SPEF2: variants seen among roughly 807,000 people sequenced by gnomAD.
SPEF2 encodes the protein sperm flagellar and cilia associated 2, also known as sperm flagella and cilia-associated protein 2.
SPEF2 carries 187 observed loss-of-function variants against 224.6 expected under a neutral mutation model. That is an observed-to-expected ratio of 0.83 (90% CI 0.74 to 0.94). The LOEUF is 0.94. Among genes scored for constraint, SPEF2 ranks in the 40% least tolerant of loss-of-function variants. SPEF2 has a pLI of 0.00. For missense variants in SPEF2, 2,170 were observed against 2,135.6 expected, an observed-to-expected ratio of 1.02 and a Z score of -0.32; for synonymous variants, 715 against 707.3, an observed-to-expected ratio of 1.01 and a Z score of -0.17.
At chr5:35,664,831 G>A (rs1010859372) in intron 8 of SPEF2, among the ~76,000 whole-genome samples, 7 of 10,068 alleles carry the variant, frequency 7.0e-4, no homozygotes, top group African/African-American at 2.8e-3. Context: ...AGAGAGGAAG[G>A]AAGGAGGAGA....
In SPEF2 at chr5:35,704,563, T is replaced by G. The variant is rs760298552; in HGVS notation, c.2408T>G (p.Leu803Trp). The stretch of plus-strand genomic sequence containing the variant: ...AAATTTTATACCATAGCTGAAGAAT[T>G]GTCCTATAAAACTGCTCACGAAGAT... Reference protein sequence around the residue: ...SRMNDIIAEELSYKTAHEDIS... With the variant: ...SRMNDIIAEEWSYKTAHEDIS... The change falls in exon 17 of 37, where the codon TTG (leucine) becomes TGG (tryptophan). Residue 803 changes from leucine (L) to tryptophan (W), a missense_variant. Transcript: ENST00000356031. 2 of 1,605,736 alleles carry G rather than the reference T, an allele frequency of 1.2e-6. No individual in the cohort carries two copies. The highest frequency in any genetic ancestry group is 1.7e-6 in the Non-Finnish European group (2 of 1,176,910).
Position 35,773,618 on chromosome 5 carries a change from T to A in SPEF2, c.3950-275T>A, listed in dbSNP as rs1753185772. Among the ~76,000 whole-genome samples the A allele has an allele frequency of 2.0e-5, 3 of 152,176 alleles. No homozygotes were observed. In the South Asian group the frequency reaches 6.2e-4, roughly 31 times the overall value. ...TGGATTTCACTATGTTTGGAAACTG[T>A]AACCATTTTTGCACTTGCTACATAC... On this transcript the variant is annotated intron_variant, in intron 27 of 36. Coordinates refer to ENST00000356031, the MANE Select transcript of SPEF2 (RefSeq NM_024867.4).
Position 35,628,517 on chromosome 5 carries a change from A to G in SPEF2, c.116A>G (p.His39Arg), listed in dbSNP as rs1168147055. ...GGCTATCTACTTGGAGAAGTTCTAC[A>G]CAAGTTTGAACTTCAGGATGATTTT... ...SSGYLLGEVLHKFELQDDFSE... is the reference protein window; with the variant it reads ...SSGYLLGEVLRKFELQDDFSE... Residue 39 changes from histidine (H) to arginine (R), a missense_variant, in exon 2 of 37, where the codon CAC becomes CGC. By Grantham distance (29) the His-to-Arg change is conservative. Coordinates refer to ENST00000356031, the MANE Select transcript of SPEF2 (RefSeq NM_024867.4). 2 of 1,614,106 alleles carry G rather than the reference A, an allele frequency of 1.2e-6. No individual in the cohort carries two copies. The highest frequency in any genetic ancestry group is 4.5e-5 in the East Asian group (2 of 44,890).
chr5:35,760,416 G>GGT (rs368612198), intron 25 of SPEF2, among the ~76,000 whole-genome samples: 1 of 151,564 alleles, frequency 6.6e-6, no homozygotes, highest in Non-Finnish European at 1.5e-5. Flanking sequence ...GACCAAAGCA[G>GGT]GTGTGTGTGT....
In SPEF2 at chr5:35,709,137, A is replaced by G. The variant is rs140984991; in HGVS notation, c.2839+16A>G. On this transcript the variant is annotated intron_variant, in intron 19 of 36. Transcript: ENST00000356031. ...CCTCAATCAGGTGATTGACAGAATGATTTATAATCCTGTTTTCAGTTTCTT... is the reference window on the plus strand; with the variant it reads ...CCTCAATCAGGTGATTGACAGAATGGTTTATAATCCTGTTTTCAGTTTCTT... The G allele has an allele frequency of 3.4e-4, 539 of 1,606,398 alleles. 5 individuals carry two copies. The African/African-American group carries it at 6.4e-3, about 19-fold the overall frequency.
rs1747121752 is a variant in SPEF2, at chr5:35,644,785, C to G, written c.585+260C>G. 2.0e-5 allele frequency among the ~76,000 whole-genome samples: 3 copies of G among 152,250 alleles called. No homozygotes were observed. The South Asian group carries it at 6.2e-4, about 32-fold the overall frequency. On this transcript the variant is annotated intron_variant, in intron 4 of 36. Transcript: ENST00000356031. The stretch of plus-strand genomic sequence containing the variant: ...TGGAGTGGCAAGACAACTGCATTAC[C>G]TTCACTGGTAGAAATCAATGTTTCA...
At chr5:35,760,999 A>AG (rs1284689743) in intron 25 of SPEF2, among the ~76,000 whole-genome samples, 2 of 152,280 alleles carry the variant, frequency 1.3e-5, no homozygotes, top group East Asian at 3.9e-4. Flanking sequence ...AGATATGAGG[A>AG]GGGGAAAAAG....
intron 8 of SPEF2, among the ~76,000 whole-genome samples, chr5:35,666,327 T>C (rs1750455360): frequency 6.6e-6 from 1 of 152,210 alleles, no homozygotes; most frequent in East Asian, 1.9e-4. Flanking sequence ...TTAAGTATTA[T>C]GTTATCCTCA....
chr5:35,621,793 G>C (rs546292859), intron 1 of SPEF2, among the ~76,000 whole-genome samples: 1 of 152,280 alleles, frequency 6.6e-6, no homozygotes, highest in South Asian at 2.1e-4. Context: ...TTGTTGGAGG[G>C]GCAGTCAAAG....
intron 36 of SPEF2, chr5:35,808,272 T>G: frequency 1.6e-6 from 1 of 628,050 alleles, no homozygotes; most frequent in Non-Finnish European, 2.0e-6. Flanking sequence ...AATTATACTT[T>G]AAGTTCTAGG....
chr5:35,654,892 T>C (rs1748749771), intron 7 of SPEF2, among the ~76,000 whole-genome samples, 166 bp downstream of exon 7: 1 of 152,220 alleles, frequency 6.6e-6, no homozygotes. Flanking sequence ...GAAAAGTAGC[T>C]ATTTACTAAA....
chr5:35,779,209 T>C lies in SPEF2; in HGVS notation c.4310T>C (p.Ile1437Thr). Residue 1437 changes from isoleucine to threonine, a missense_variant, in exon 30 of 37, where the codon ATT becomes ACT. By Grantham distance (89) the Ile-to-Thr change is moderately conservative. Coordinates refer to ENST00000356031, the MANE Select transcript of SPEF2 (RefSeq NM_024867.4). The part of the protein sequence containing the change: ...ELYLSQEDFF[I>T]NGNIKVFPDP... ...TATTTAAGCCAAGAAGACTTCTTCA[T>C]TAATGGCAATATAAAAGTCTTCCCA... 6.2e-7 allele frequency: 1 copy of C among 1,613,942 alleles called. No individual in the cohort carries two copies. The highest frequency in any genetic ancestry group is 8.5e-7 in the Non-Finnish European group (1 of 1,179,888).
At position 35,695,644 on chromosome 5, in the gene SPEF2, C is replaced by G. The variant is rs922327570; in HGVS notation, c.1976-91C>G. On this transcript the variant is annotated intron_variant, in intron 13 of 36. Coordinates refer to ENST00000356031, the MANE Select transcript of SPEF2 (RefSeq NM_024867.4). Reference sequence around the variant, plus strand: ...TCAGGCATAGCTGGATCTGATAACCCTTATGTCCAAAACCATAGATGGTCA... The same window carrying G: ...TCAGGCATAGCTGGATCTGATAACCGTTATGTCCAAAACCATAGATGGTCA... 7 of 985,796 alleles carry G rather than the reference C, an allele frequency of 7.1e-6. No homozygotes were observed. The Admixed American group carries it at 9.6e-5, about 14-fold the overall frequency. 61.1% of individuals were successfully genotyped at this position (985,796 alleles called of 1,614,324 possible). A position where few individuals can be genotyped will look rare whatever the true frequency, so the allele number is the denominator to read the frequency against.
chr5:35,707,846 A>G (rs1296800327), intron 18 of SPEF2, among the ~76,000 whole-genome samples: 1 of 152,174 alleles, frequency 6.6e-6, no homozygotes, highest in East Asian at 1.9e-4. Context: ...ATGTCACCTT[A>G]TGGTTGGGCA....
rs2149852323 is a variant in SPEF2 at position 35,799,995 on chromosome 5, G to A, written c.4858G>A (p.Glu1620Lys). Residue 1620 changes from glutamate to lysine, a missense_variant, in exon 34 of 37, where the codon GAG becomes AAG. By Grantham distance (56) the Glu-to-Lys change is moderately conservative. Coordinates refer to ENST00000356031, the MANE Select transcript of SPEF2 (RefSeq NM_024867.4). ...TTTCTTTAGGCTATTTGCTGACTAT[G>A]AGAAGGATCCACCCCAGCTTGACTA... ...EFFFRLFADY[E>K]KDPPQLDYTQ... 6.2e-7 allele frequency: 1 copy of A among 1,613,956 alleles called. No individual in the cohort carries two copies. The highest frequency in any genetic ancestry group is 1.1e-5 in the South Asian group (1 of 91,046).
chr5:35,789,320 G>A (rs1207733675), intron 30 of SPEF2: 2 of 703,436 alleles, frequency 2.8e-6, no homozygotes, highest in South Asian at 3.0e-5. Flanking sequence ...CTCAATTGCT[G>A]ACATATTTGC....
intron 29 of SPEF2, among the ~76,000 whole-genome samples, chr5:35,777,047 A>T (rs939580622): frequency 2.7e-4 from 41 of 152,326 alleles, no homozygotes; most frequent in African/African-American, 8.9e-4. Context: ...CATTGGCTTC[A>T]TCTATACAAG....
intron 2 of SPEF2, among the ~76,000 whole-genome samples, chr5:35,630,449 C>A (rs1316195190): frequency 6.6e-6 from 1 of 152,186 alleles, no homozygotes; most frequent in Non-Finnish European, 1.5e-5. Context: ...GTAATCCCAG[C>A]ACTTTGGGAG....
At chr5:35,657,844 A>G (rs1224562434) in intron 7 of SPEF2, among the ~76,000 whole-genome samples, 1 of 152,160 alleles carries the variant, frequency 6.6e-6, no homozygotes, top group African/African-American at 2.4e-5. Context: ...AATCTTTTCT[A>G]TGCCATTTCT....
Sources: allele counts gnomAD v4.1 joint callset (sites outside exome capture counted in the v4.1 genomes callset), GRCh38; gene constraint gnomAD v4.1.1; transcripts MANE v1.5; gene names NCBI Gene and HGNC (gene_info 2026-07-23, HGNC 2026-07-21).